ZIM3: variants seen among roughly 807,000 people sequenced by gnomAD.
ZIM3 encodes the protein zinc finger protein 657.
In ZIM3, 11 loss-of-function variants were observed where a neutral mutation model predicts 12.9. The observed-to-expected ratio is 0.85, with a 90% CI of 0.54 to 1.41. The LOEUF is 1.41. Ranked by LOEUF, ZIM3 falls within the 40% of genes most tolerant of loss-of-function variation. The pLI, the probability that ZIM3 is intolerant of heterozygous loss-of-function variation, is 0.00. For synonymous variants in ZIM3, 205 were observed against 198.5 expected, an observed-to-expected ratio of 1.03 and a Z score of -0.28; for missense variants, 604 against 557.2, an observed-to-expected ratio of 1.08 and a Z score of -0.85.
In ZIM3 at chr19:57,135,525, T is replaced by C. The variant is rs751150591; in HGVS notation, c.812A>G (p.Lys271Arg). 4.3e-5 allele frequency: 69 copies of C among 1,613,980 alleles called. No individual in the cohort carries two copies. Among genetic ancestry groups the C allele is most frequent in the Non-Finnish European group, 5.8e-5 (68 of 1,180,000 alleles). The change falls in exon 5 of 5, where the codon AAA becomes AGA. Residue 271 changes from lysine to arginine, a missense_variant. Physicochemically the swap from Lys to Arg is conservative, Grantham distance 26. Transcript: ENST00000269834. ...ATAGGATTTCTTGGCATTATGAATT[T>C]TCTCATGATTAATGCAGGATGATTT... ...SWKSSCINHEKIHNAKKSYQC... is the reference protein window; with the variant it reads ...SWKSSCINHERIHNAKKSYQC...
intron 4 of ZIM3, 123 bp from the exon 5 acceptor site, chr19:57,136,218 C>A: frequency 1.2e-6 from 1 of 855,690 alleles, no homozygotes; most frequent in Non-Finnish European, 1.8e-6. Context: ...TACGAGAAAC[C>A]AAAGTTAATA....
In ZIM3 at chr19:57,134,767, T is replaced by C. The variant is rs144146546; in HGVS notation, c.*151A>G. On this transcript the variant is annotated 3_prime_UTR_variant, in exon 5 of 5. Transcript: ENST00000269834. ...TTAATAAACATTTGCTGAGTGAGTA[T>C]GCCGAATGGGTTTTCAAAGGATACT... is the stretch of plus-strand genomic sequence containing the variant. 1.5e-4 allele frequency: 110 copies of C among 712,340 alleles called. No individual in the cohort carries two copies. In the African/African-American group the frequency reaches 1.7e-3, roughly 11 times the overall value. The allele number at this position is 712,340 out of a possible 1,614,324, so 44.1% of individuals were successfully genotyped here.
intron 2 of ZIM3, among the ~76,000 whole-genome samples, chr19:57,141,316 G>A (rs888582653): frequency 4.0e-5 from 6 of 149,526 alleles, no homozygotes; most frequent in African/African-American, 1.2e-4. Flanking sequence ...CAGGAGAATC[G>A]CTTGAACCTG....
chr19:57,143,504 G>A (rs981139298), intron 1 of ZIM3, among the ~76,000 whole-genome samples: 1 of 152,096 alleles, frequency 6.6e-6, no homozygotes, highest in South Asian at 2.1e-4. Context: ...GAATAACGCC[G>A]CAGTGAACAT....
chr19:57,136,778 G>A, intron 4 of ZIM3, 95 bp downstream of exon 4: 2 of 977,836 alleles, frequency 2.0e-6, no homozygotes, highest in African/African-American at 1.6e-5. Context: ...GCACTCCCAG[G>A]AAGTCACAGC....
chr19:57,141,615 C>T (rs538906279), intron 2 of ZIM3, among the ~76,000 whole-genome samples: 21 of 152,104 alleles, frequency 1.4e-4, no homozygotes, highest in African/African-American at 4.8e-4. Flanking sequence ...TCAGATCTCT[C>T]AAAGGCAGGC....
Position 57,134,856 on chromosome 19 carries a change from A to G in ZIM3, c.*62T>C. 1 of 1,509,682 alleles carries G rather than the reference A, an allele frequency of 6.6e-7. No homozygotes were observed. The highest frequency in any genetic ancestry group is 8.9e-7 in the Non-Finnish European group (1 of 1,121,824). The allele number at this position is 1,509,682 out of a possible 1,614,324, so 93.5% of individuals were successfully genotyped here. On this transcript the variant is annotated 3_prime_UTR_variant, in exon 5 of 5. Transcript: ENST00000269834. Reference sequence around the variant, plus strand: ...AAATTAGAGGCCATTTCAACATGGAATTCTGGGGTGACAATTCCAGGCAAC... The same window carrying G: ...AAATTAGAGGCCATTTCAACATGGAGTTCTGGGGTGACAATTCCAGGCAAC...
At chr19:57,141,778 T>C (rs1005713633) in intron 2 of ZIM3, among the ~76,000 whole-genome samples, 1 of 151,478 alleles carries the variant, frequency 6.6e-6, no homozygotes, top group African/African-American at 2.4e-5. Context: ...CGCTTGAACC[T>C]GGGAGGCAGA....
chr19:57,141,420 A>C (rs1568459749), intron 2 of ZIM3, among the ~76,000 whole-genome samples: 2 of 144,864 alleles, frequency 1.4e-5, no homozygotes, highest in East Asian at 4.0e-4. Context: ...AAAAAAAAAA[A>C]ACAACAAAAC....
chr19:57,135,429 C>T lies in ZIM3; in HGVS notation c.908G>A (p.Gly303Glu), dbSNP rs2122659926. Residue 303 changes from glycine (G) to glutamate (E), a missense_variant, in exon 5 of 5, where the codon GGA (glycine) becomes GAA (glutamate). Physicochemically the swap from Gly to Glu is moderately conservative, Grantham distance 98 (BLOSUM62 -2). Transcript: ENST00000269834. ...TLIQHKKVHTGQKPFQCTDCG... is the reference protein window; with the variant it reads ...TLIQHKKVHTEQKPFQCTDCG... ...GTCCGTACATTGAAAGGGTTTTTGT[C>T]CAGTGTGAACTTTTTTATGTTGAAT... 6.2e-7 allele frequency: 1 copy of T among 1,614,084 alleles called. No individual in the cohort carries two copies. The highest frequency in any genetic ancestry group is 1.3e-5 in the African/African-American group (1 of 75,008).
chr19:57,139,135 T>G (rs548697376), intron 2 of ZIM3, among the ~76,000 whole-genome samples: 21 of 152,172 alleles, frequency 1.4e-4, no homozygotes, highest in African/African-American at 4.3e-4. Context: ...GAGACCAGTC[T>G]GGCCAACATG....
Position 57,135,610 on chromosome 19 carries a change from T to C in ZIM3, c.727A>G (p.Lys243Glu). 6.2e-7 allele frequency: 1 copy of C among 1,612,170 alleles called. No homozygotes were observed. The highest frequency in any genetic ancestry group is 8.5e-7 in the Non-Finnish European group (1 of 1,178,268). ...TAGGGTTTCTCTTTAGTATGCATTT[T>C]CTGATGTTGAAAGAGATTTGACTTC... ...KQKSNLFQHQ[K>E]MHTKEKPYQC... Residue 243 changes from lysine (K) to glutamate (E), a missense_variant, in exon 5 of 5, where the codon AAA becomes GAA. Coordinates refer to ENST00000269834, the MANE Select transcript of ZIM3 (RefSeq NM_052882.1).
In ZIM3 at chr19:57,135,363, T is replaced by C. The variant is rs1429832364; in HGVS notation, c.974A>G (p.His325Arg). Residue 325 changes from histidine (H) to arginine (R), a missense_variant, in exon 5 of 5, where the codon CAC becomes CGC. His to Arg is a conservative substitution (Grantham distance 29). Coordinates refer to ENST00000269834, the MANE Select transcript of ZIM3 (RefSeq NM_052882.1). ...TTTCTCTCCCGTGTGTATTCTCTGG[T>C]GTTTCACAAGATCTGACTTGTAAAT... ...AFIYKSDLVK[H>R]QRIHTGEKPY... The C allele has an allele frequency of 4.3e-6, 7 of 1,613,898 alleles. No homozygotes were observed. In the Admixed American group the frequency reaches 5.0e-5, roughly 12 times the overall value.
At chr19:57,142,708 C>T in intron 1 of ZIM3, 23 bp from the exon 2 acceptor site, 1 of 1,573,796 alleles carries the variant, frequency 6.4e-7, no homozygotes, top group Non-Finnish European at 8.7e-7. Context: ...GGAAAAGAAC[C>T]ATGAAATAGC....
At position 57,135,885 on chromosome 19, in the gene ZIM3, T is replaced by C; in HGVS notation, c.452A>G (p.Tyr151Cys). ...TGGATTATTGCCAACTAATTTTCTG[T>C]ATCCATTATCATCGTGAGAATTATT... is the stretch of plus-strand genomic sequence containing the variant. ...VQNNSHDDNGYRKLVGNNPSK... is the reference protein window; with the variant it reads ...VQNNSHDDNGCRKLVGNNPSK... The change falls in exon 5 of 5, where the codon TAC becomes TGC. Residue 151 changes from tyrosine (Y) to cysteine (C), a missense_variant. Physicochemically the swap from Tyr to Cys is radical, Grantham distance 194 (BLOSUM62 -2). Transcript: ENST00000269834. The C allele has an allele frequency of 4.3e-6, 7 of 1,614,118 alleles. No individual in the cohort carries two copies. Among genetic ancestry groups the C allele is most frequent in the Non-Finnish European group, 5.9e-6 (7 of 1,180,012 alleles).
chr19:57,136,437 T>C (rs1161158909), intron 4 of ZIM3, among the ~76,000 whole-genome samples: 4 of 150,940 alleles, frequency 2.7e-5, no homozygotes, highest in African/African-American at 7.3e-5. Context: ...CTGAGGCGGG[T>C]GGATTGCCTG....
At position 57,135,291 on chromosome 19, in the gene ZIM3, T is replaced by C. The variant is rs144228219; in HGVS notation, c.1046A>G (p.Asn349Ser). Residue 349 changes from asparagine (N) to serine (S), a missense_variant, in exon 5 of 5, where the codon AAT becomes AGT. Asn to Ser is a conservative substitution (Grantham distance 46, BLOSUM62 1). Transcript: ENST00000269834. ...ICEKAFSQKS[N>S]VIDHEKIHTG... ...GTGAATTTTCTCATGATCGATGACATTGGATTTCTGGGAAAAGGCCTTCTC... is the reference window on the plus strand; with the variant it reads ...GTGAATTTTCTCATGATCGATGACACTGGATTTCTGGGAAAAGGCCTTCTC... 13 of 1,614,026 alleles carry C rather than the reference T, an allele frequency of 8.1e-6. No homozygotes were observed. The East Asian group carries it at 1.6e-4, about 19-fold the overall frequency.
At chr19:57,144,708 T>TA (rs1009862387) in intron 1 of ZIM3, among the ~76,000 whole-genome samples, 151 bp downstream of exon 1, 12 of 149,296 alleles carry the variant, frequency 8.0e-5, no homozygotes, top group Non-Finnish European at 1.0e-4. Context: ...ATATGACAAC[T>TA]AAAAAAAAAA....
chr19:57,141,542 T>C (rs2086914159), intron 2 of ZIM3, among the ~76,000 whole-genome samples: 1 of 152,084 alleles, frequency 6.6e-6, no homozygotes, highest in Non-Finnish European at 1.5e-5. Context: ...AATTGACCCT[T>C]CCGCTGTTAA....
Sources: allele counts gnomAD v4.1 joint callset (sites outside exome capture counted in the v4.1 genomes callset), GRCh38; gene constraint gnomAD v4.1.1; transcripts MANE v1.5; gene names NCBI Gene and HGNC (gene_info 2026-07-23, HGNC 2026-07-21).